DYM: variants seen among roughly 807,000 people sequenced by gnomAD.
The protein encoded by DYM is dyggve-Melchior-Clausen syndrome protein.
DYM carries 78 observed loss-of-function variants against 93.1 expected under a neutral mutation model. That is an observed-to-expected ratio of 0.84 (90% CI 0.70 to 1.01). The LOEUF is 1.01. DYM is among the 50% of genes least tolerant of loss of function. The pLI is 0.00. For missense variants in DYM, 789 were observed against 845.0 expected (o/e 0.93, Z 0.82); for synonymous variants, 321 against 319.7 (o/e 1.00, Z -0.04).
chr18:49,456,399 T>C (rs935410424), intron 1 of DYM, among the ~76,000 whole-genome samples: 44 of 152,120 alleles, frequency 2.9e-4, no homozygotes, highest in African/African-American at 1.1e-3. Flanking sequence ...GGGTGGAGGG[T>C]TGCATGACAT....
chr18:49,079,775 A>T (rs2077636796), intron 17 of DYM, among the ~76,000 whole-genome samples: 1 of 151,964 alleles, frequency 6.6e-6, no homozygotes, highest in South Asian at 2.1e-4. Context: ...TTAGTACAGA[A>T]CAAAATGAAA....
At chr18:49,115,626 G>A (rs774137109) in intron 16 of DYM, among the ~76,000 whole-genome samples, 34 of 152,208 alleles carry the variant, frequency 2.2e-4, no homozygotes, top group Non-Finnish European at 4.0e-4. Flanking sequence ...TTAGAAACAT[G>A]AAGACTGAAA....
At chr18:49,120,078 C>CAAAAAAAAAAAAAAAAAAA (rs71165367) in intron 15 of DYM, among the ~76,000 whole-genome samples, 1 of 56,164 alleles carries the variant, frequency 1.8e-5, no homozygotes, top group Non-Finnish European at 3.9e-5. Flanking sequence ...GATCCTGTCT[C>CAAAAAAAAAAAAAAAAAAA]AAAAAAAAAA....
chr18:49,292,592 GAAAAAAAAAAAAAAAAAAAA>G (rs72415237), intron 8 of DYM, among the ~76,000 whole-genome samples: 21 of 78,788 alleles, frequency 2.7e-4, no homozygotes, highest in Admixed American at 8.6e-4. Context: ...TTTCCTGTTG[GAAAAAAAAAAAAAAAAAAAA>G]AAAAAAAAAA....
intron 8 of DYM, among the ~76,000 whole-genome samples, chr18:49,304,821 TG>T (rs1568212214): frequency 6.6e-6 from 1 of 152,194 alleles, no homozygotes; most frequent in South Asian, 2.1e-4. Flanking sequence ...GTGCTCATTT[TG>T]TAAATTTCTA....
At chr18:49,105,419 C>G (rs1029681749) in intron 16 of DYM, among the ~76,000 whole-genome samples, 3 of 152,170 alleles carry the variant, frequency 2.0e-5, no homozygotes, top group African/African-American at 7.2e-5. Context: ...CAGTTCTGCT[C>G]TGCTCTTAGT....
intron 13 of DYM, among the ~76,000 whole-genome samples, chr18:49,223,150 GA>G (rs2093423314): frequency 6.6e-6 from 1 of 152,066 alleles, no homozygotes; most frequent in African/African-American, 2.4e-5. Context: ...GACACAGGAA[GA>G]TGCAAACAAA....
chr18:49,058,318 C>CTT (rs111921846), intron 17 of DYM, among the ~76,000 whole-genome samples: 15 of 143,740 alleles, frequency 1.0e-4, no homozygotes, highest in African/African-American at 2.3e-4. Flanking sequence ...TCTTTTTCTT[C>CTT]TTTTTTTTTT....
rs556981747 is a variant in DYM, at chr18:49,399,477, C to A, written c.141-7832G>T. ...TTTTTGTTTTGGGTATAAACAAAAA[C>A]CAAAACAGGGCTCTGGTTTATTTTT... is the stretch of plus-strand genomic sequence containing the variant. On this transcript the variant is annotated intron_variant, in intron 2 of 17. Coordinates refer to ENST00000675505, the MANE Select transcript of DYM (RefSeq NM_001353214.3). Among the ~76,000 whole-genome samples the A allele has an allele frequency of 7.9e-5, 12 of 152,230 alleles. No individual in the cohort carries two copies. The Middle Eastern group carries it at 0.017, about 216-fold the overall frequency.
At chr18:49,163,032 C>T (rs1171420150) in intron 15 of DYM, among the ~76,000 whole-genome samples, 1 of 152,218 alleles carries the variant, frequency 6.6e-6, no homozygotes, top group Non-Finnish European at 1.5e-5. Flanking sequence ...GGTGTACTTG[C>T]TCCCCTTAAG....
At chr18:49,458,624 C>T (rs1174619316) in intron 1 of DYM, among the ~76,000 whole-genome samples, 1 of 152,104 alleles carries the variant, frequency 6.6e-6, no homozygotes, top group South Asian at 2.1e-4. Context: ...AATGCCTGAA[C>T]TCAGGAGTTC....
intron 17 of DYM, among the ~76,000 whole-genome samples, chr18:49,089,684 A>T (rs983777481): frequency 3.3e-5 from 5 of 152,230 alleles, no homozygotes; most frequent in African/African-American, 1.2e-4. Context: ...CTAGGTTAGA[A>T]TCTCAGGTGG....
At chr18:49,431,246 T>A (rs1032755617) in intron 1 of DYM, among the ~76,000 whole-genome samples, 1 of 152,244 alleles carries the variant, frequency 6.6e-6, no homozygotes, top group Non-Finnish European at 1.5e-5. Context: ...TCACATTTAA[T>A]GTTTCTGTCA....
chr18:49,375,135 G>A (rs866644058), intron 5 of DYM, among the ~76,000 whole-genome samples: 2 of 151,298 alleles, frequency 1.3e-5, no homozygotes, highest in African/African-American at 4.9e-5. Context: ...GGAAATACTC[G>A]TGGGGCAGCC....
At chr18:49,283,020 A>T (rs1192002777) in intron 9 of DYM, among the ~76,000 whole-genome samples, 1 of 152,216 alleles carries the variant, frequency 6.6e-6, no homozygotes, top group Non-Finnish European at 1.5e-5. Flanking sequence ...TAAATTAATC[A>T]TAAGTTGAAA....
intron 1 of DYM, among the ~76,000 whole-genome samples, chr18:49,459,021 T>C (rs1009603348): frequency 3.3e-5 from 5 of 152,336 alleles, no homozygotes; most frequent in African/African-American, 7.2e-5. Flanking sequence ...AATGGGTACA[T>C]GGGAGTACCC....
chr18:49,459,881 G>A (rs1331588784), intron 1 of DYM, among the ~76,000 whole-genome samples: 1 of 150,994 alleles, frequency 6.6e-6, no homozygotes, highest in African/African-American at 2.4e-5. Flanking sequence ...GGGAGAGAAG[G>A]AGGAGTGACT....
intron 16 of DYM, among the ~76,000 whole-genome samples, chr18:49,102,713 G>A (rs558681113): frequency 6.6e-6 from 1 of 152,078 alleles, no homozygotes; most frequent in African/African-American, 2.4e-5. Flanking sequence ...ATGGTTTCCA[G>A]CTTCATCCAT....
At chr18:49,451,199 A>G (rs1283127651) in intron 1 of DYM, among the ~76,000 whole-genome samples, 1 of 152,168 alleles carries the variant, frequency 6.6e-6, no homozygotes, top group Non-Finnish European at 1.5e-5. Context: ...TTGAAGCATG[A>G]TTGTTTCTCT....
Sources: gnomAD v4.1 joint callset for allele counts (sites outside exome capture counted in the v4.1 genomes callset) on GRCh38, gnomAD v4.1.1 for gene constraint, MANE v1.5 for transcripts, NCBI Gene and HGNC (gene_info 2026-07-23, HGNC 2026-07-21) for gene names.